The following EPHB1 variants were observed in gnomAD, a reference collection of about 807,000 sequenced individuals.
EPHB1 encodes the protein ephrin type-B receptor 1.
A neutral mutation model predicts 94.4 loss-of-function variants in EPHB1; 30 were observed. The observed-to-expected ratio is 0.32, with a 90% confidence interval of 0.24 to 0.43. EPHB1 has a LOEUF of 0.43. EPHB1 is among the 20% of genes least tolerant of loss of function. The pLI is 1.00. For missense variants in EPHB1, 1,055 were observed against 1,308.3 expected, an observed-to-expected ratio of 0.81 and a Z score of 2.99; for synonymous variants, 522 against 489.1, an observed-to-expected ratio of 1.07 and a Z score of -0.89.
chr3:134,881,266 T>A (rs2037724684), intron 1 of EPHB1, among the ~76,000 whole-genome samples: 1 of 152,048 alleles, frequency 6.6e-6, no homozygotes, highest in Non-Finnish European at 1.5e-5. Flanking sequence ...GTGTGTTTCA[T>A]GTGTGGATGG....
intron 3 of EPHB1, among the ~76,000 whole-genome samples, chr3:135,028,294 C>G (rs1406983623): frequency 6.9e-6 from 1 of 145,108 alleles, no homozygotes; most frequent in East Asian, 2.0e-4. Context: ...TCTTGCTTTT[C>G]TAGTTCTTTT....
chr3:135,016,260 A>G (rs1935793562), intron 3 of EPHB1, among the ~76,000 whole-genome samples: 1 of 152,212 alleles, frequency 6.6e-6, no homozygotes, highest in Non-Finnish European at 1.5e-5. Flanking sequence ...TTCCAATAAA[A>G]TGCAGATATG....
At chr3:134,816,275 G>C (rs989760643) in intron 1 of EPHB1, among the ~76,000 whole-genome samples, 1 of 151,832 alleles carries the variant, frequency 6.6e-6, no homozygotes, top group African/African-American at 2.4e-5. Context: ...TGTATTTTTA[G>C]TAGAGACGGG....
chr3:134,937,868 C>A (rs1423323319), intron 2 of EPHB1, among the ~76,000 whole-genome samples: 1 of 151,810 alleles, frequency 6.6e-6, no homozygotes, highest in African/African-American at 2.4e-5. Flanking sequence ...AGCTGAATAC[C>A]CTGCCGCCGT....
chr3:134,977,831 T>G (rs1439285604), intron 3 of EPHB1: 2 of 359,842 alleles, frequency 5.6e-6, no homozygotes, highest in Non-Finnish European at 1.1e-5. Context: ...CCAGGAGATG[T>G]TGGAAACCAC....
chr3:134,968,850 G>A (rs1281577050), intron 3 of EPHB1, among the ~76,000 whole-genome samples: 1 of 152,140 alleles, frequency 6.6e-6, no homozygotes, highest in Admixed American at 6.5e-5. Flanking sequence ...TCAGCATAAT[G>A]CCTGCGAGAT....
intron 12 of EPHB1, among the ~76,000 whole-genome samples, chr3:135,236,119 C>G (rs1486074999): frequency 6.6e-6 from 1 of 152,176 alleles, no homozygotes; most frequent in African/African-American, 2.4e-5. Context: ...TATTCTATCA[C>G]AGTTCTGGAG....
chr3:135,067,242 G>A lies in EPHB1; in HGVS notation c.806-39206G>A, dbSNP rs57380727. 6.6e-3 allele frequency among the ~76,000 whole-genome samples: 1,000 copies of A among 152,266 alleles called. 13 individuals carry two copies. The highest frequency in any genetic ancestry group is 0.022 in the African/African-American group (930 of 41,550). ...GAGAGGCACCAGCGTGGGGAAGGGG[G>A]TGCCTAGAACTCCCAAGAGTACATG... On this transcript the variant is annotated intron_variant, in intron 3 of 15. Transcript: ENST00000398015.
chr3:134,844,825 A>G (rs2036840853), intron 1 of EPHB1, among the ~76,000 whole-genome samples: 1 of 152,166 alleles, frequency 6.6e-6, no homozygotes, highest in African/African-American at 2.4e-5. Context: ...TGCTTTTTTC[A>G]AAGAGAGTTT....
At chr3:134,864,204 G>A (rs1199088477) in intron 1 of EPHB1, among the ~76,000 whole-genome samples, 1 of 152,176 alleles carries the variant, frequency 6.6e-6, no homozygotes, top group Non-Finnish European at 1.5e-5. Flanking sequence ...TTTGTGTGGG[G>A]TTCTATTCAC....
intron 1 of EPHB1, among the ~76,000 whole-genome samples, chr3:134,797,281 G>T (rs1310451389): frequency 5.9e-5 from 9 of 152,148 alleles, no homozygotes; most frequent in Admixed American, 5.2e-4. Context: ...ACACCCTGGC[G>T]CAGGGATGCC....
chr3:134,971,728 C>T (rs537087941), intron 3 of EPHB1, among the ~76,000 whole-genome samples: 1 of 152,250 alleles, frequency 6.6e-6, no homozygotes, highest in African/African-American at 2.4e-5. Flanking sequence ...TGTCAAACAG[C>T]CCTGCTCTTT....
At chr3:135,072,312 AG>A (rs1309257812) in intron 3 of EPHB1, among the ~76,000 whole-genome samples, 1 of 152,100 alleles carries the variant, frequency 6.6e-6, no homozygotes, top group African/African-American at 2.4e-5. Flanking sequence ...TGAACCTAGG[AG>A]GGGGAGGCTG....
At chr3:134,837,023 T>C (rs2036684334) in intron 1 of EPHB1, among the ~76,000 whole-genome samples, 1 of 152,256 alleles carries the variant, frequency 6.6e-6, no homozygotes, top group Non-Finnish European at 1.5e-5. Flanking sequence ...TCAGCAAATA[T>C]CCATCTCTTA....
At chr3:134,863,983 G>A (rs1237153992) in intron 1 of EPHB1, among the ~76,000 whole-genome samples, 1 of 152,208 alleles carries the variant, frequency 6.6e-6, no homozygotes, top group Non-Finnish European at 1.5e-5. Context: ...GGACAGAGGG[G>A]TGGGAAATCT....
chr3:134,932,368 C>CTGA (rs2038922839), intron 2 of EPHB1, among the ~76,000 whole-genome samples: 1 of 152,188 alleles, frequency 6.6e-6, no homozygotes, highest in African/African-American at 2.4e-5. Context: ...CAGCTGCCCA[C>CTGA]CTCAAGTGAC....
At chr3:134,994,045 T>A (rs1296642634) in intron 3 of EPHB1, among the ~76,000 whole-genome samples, 2 of 152,238 alleles carry the variant, frequency 1.3e-5, no homozygotes, top group Admixed American at 1.3e-4. Flanking sequence ...CGGGGTTAGG[T>A]ACCCCTTCCA....
In EPHB1 at chr3:134,861,730, G is replaced by A. The variant is rs1470342015; in HGVS notation, c.59-64086G>A. On this transcript the variant is annotated intron_variant, in intron 1 of 15. Coordinates refer to ENST00000398015, the MANE Select transcript of EPHB1 (RefSeq NM_004441.5). ...AAAATAATAGCTTGTTTGGCATCGGGGGAGGGAGAGCATCAGGATAAGTAA... is the reference window on the plus strand; with the variant it reads ...AAAATAATAGCTTGTTTGGCATCGGAGGAGGGAGAGCATCAGGATAAGTAA... 2.1e-4 allele frequency among the ~76,000 whole-genome samples: 32 copies of A among 152,116 alleles called. 1 individual carries two copies. The highest frequency in any genetic ancestry group is 2.1e-3 in the Admixed American group (32 of 15,268).
intron 3 of EPHB1, among the ~76,000 whole-genome samples, chr3:134,955,930 C>A (rs1194152132): frequency 1.3e-5 from 2 of 152,306 alleles, no homozygotes; most frequent in East Asian, 3.9e-4. Context: ...CCCCTCTTCC[C>A]TGCTGAGGTT....
Sources: gnomAD v4.1 joint callset for allele counts (sites outside exome capture counted in the v4.1 genomes callset) on GRCh38, gnomAD v4.1.1 for gene constraint, MANE v1.5 for transcripts, NCBI Gene and HGNC (gene_info 2026-07-23, HGNC 2026-07-21) for gene names.